The following MACROD2 variants were observed in gnomAD, a reference collection of about 807,000 sequenced individuals.
MACROD2 encodes ADP-ribose glycohydrolase MACROD2.
Under a neutral mutation model 70.4 loss-of-function variants are expected in MACROD2, and 36 were observed. That is an observed-to-expected ratio of 0.51 (90% confidence interval 0.39 to 0.68). The LOEUF is 0.68. Ranked by LOEUF, MACROD2 falls within the 30% of genes least tolerant of loss-of-function variation. MACROD2 has a pLI of 0.00. For missense variants in MACROD2, 496 were observed against 538.4 expected (o/e 0.92, Z 0.78); for synonymous variants, 172 against 178.8 (o/e 0.96, Z 0.30).
intron 5 of MACROD2, among the ~76,000 whole-genome samples, chr20:14,768,034 A>G (rs1458794995): frequency 6.6e-6 from 1 of 151,986 alleles, no homozygotes; most frequent in East Asian, 1.9e-4. Flanking sequence ...AATCCAGTCT[A>G]TCGTTGTTGG....
intron 5 of MACROD2, among the ~76,000 whole-genome samples, chr20:14,962,527 T>TTC (rs1410453703): frequency 2.2e-5 from 3 of 135,998 alleles, no homozygotes; most frequent in Middle Eastern, 3.6e-3. Flanking sequence ...CTCTCTCTCT[T>TTC]TCTCTCTCTC....
intron 8 of MACROD2, among the ~76,000 whole-genome samples, chr20:15,737,639 G>T (rs1368357173): frequency 1.3e-5 from 2 of 152,198 alleles, no homozygotes; most frequent in Non-Finnish European, 2.9e-5. Context: ...GCATTGCTAT[G>T]AATATAGTTC....
At position 15,720,724 on chromosome 20, in the gene MACROD2, A is replaced by G. The variant is rs150798263; in HGVS notation, c.646-142021A>G. ...CACTGAGAGGCTTTTCTTCCTATTT[A>G]TGATACCTCTTTGTTCACCAAAGGG... On this transcript the variant is annotated intron_variant, in intron 8 of 17. Transcript: ENST00000684519. Among the ~76,000 whole-genome samples the G allele has an allele frequency of 2.1e-3, 313 of 152,284 alleles. 4 individuals carry two copies. Among genetic ancestry groups the G allele is most frequent in the Admixed American group, 0.015 (223 of 15,288 alleles).
At chr20:15,087,817 G>C (rs1354161349) in intron 5 of MACROD2, among the ~76,000 whole-genome samples, 1 of 151,792 alleles carries the variant, frequency 6.6e-6, no homozygotes, top group Non-Finnish European at 1.5e-5. Flanking sequence ...TATAGAAAAA[G>C]TTCTCACAAA....
intron 9 of MACROD2, among the ~76,000 whole-genome samples, chr20:15,878,682 G>T (rs867421092): frequency 1.3e-5 from 2 of 152,206 alleles, no homozygotes; most frequent in Non-Finnish European, 2.9e-5. Context: ...ACTATTTGCT[G>T]TTGGGAAATG....
At chr20:14,742,741 A>G (rs2071747443) in intron 5 of MACROD2, among the ~76,000 whole-genome samples, 1 of 151,706 alleles carries the variant, frequency 6.6e-6, no homozygotes, top group Non-Finnish European at 1.5e-5. Context: ...ATAAAGTTCA[A>G]AAGTAATATA....
At chr20:15,337,701 TCAA>T (rs1327736623) in intron 6 of MACROD2, among the ~76,000 whole-genome samples, 1 of 150,818 alleles carries the variant, frequency 6.6e-6, no homozygotes, top group African/African-American at 2.5e-5. Context: ...GTACAATAGG[TCAA>T]AAAAAAAGAG....
intron 4 of MACROD2, among the ~76,000 whole-genome samples, chr20:14,553,431 T>TTGG (rs1322411311): frequency 1.8e-4 from 27 of 146,620 alleles, no homozygotes; most frequent in Non-Finnish European, 1.5e-4. Flanking sequence ...TTTTTTTTAG[T>TTGG]AAGTAGAAGA....
At chr20:15,469,691 T>A (rs2046939850) in intron 7 of MACROD2, among the ~76,000 whole-genome samples, 2 of 152,142 alleles carry the variant, frequency 1.3e-5, no homozygotes, top group African/African-American at 4.8e-5. Context: ...CCAAAGAGCA[T>A]GTCCAGAAGA....
At chr20:14,600,343 T>TATATATATATATATATATATACAC (rs1320891260) in intron 4 of MACROD2, among the ~76,000 whole-genome samples, 26 of 130,202 alleles carry the variant, frequency 2.0e-4, no homozygotes, top group African/African-American at 7.9e-4. Flanking sequence ...TATATATATA[T>TATATATATATATATATATATACAC]ACACACACAC....
intron 5 of MACROD2, among the ~76,000 whole-genome samples, chr20:14,697,477 T>C (rs977117188): frequency 1.3e-5 from 2 of 152,208 alleles, no homozygotes; most frequent in African/African-American, 4.8e-5. Flanking sequence ...AAATTCTCTG[T>C]GTTGTGCAAT....
chr20:14,621,166 A>C (rs374517762), intron 4 of MACROD2, among the ~76,000 whole-genome samples: 39 of 152,120 alleles, frequency 2.6e-4, no homozygotes, highest in African/African-American at 8.4e-4. Flanking sequence ...GTGTGGATAA[A>C]CTAATTAATG....
At chr20:15,491,936 T>C (rs1186511843) in intron 7 of MACROD2, among the ~76,000 whole-genome samples, 1 of 152,220 alleles carries the variant, frequency 6.6e-6, no homozygotes, top group Non-Finnish European at 1.5e-5. Flanking sequence ...ATAATACTCA[T>C]ATACCAAAGC....
chr20:14,623,723 G>A lies in MACROD2; in HGVS notation c.302-61120G>A, dbSNP rs371926644. Among the ~76,000 whole-genome samples, 3 of 152,232 alleles carry A rather than the reference G, an allele frequency of 2.0e-5. No individual in the cohort carries two copies. In the East Asian group the frequency reaches 5.8e-4, roughly 29 times the overall value. ...AAGCCAGTGGTAGCCATCCTCTGTT[G>A]TCCAAGGTTCACTGAAAAGATGCTG... On this transcript the variant is annotated intron_variant, in intron 4 of 17. Coordinates refer to ENST00000684519, the MANE Select transcript of MACROD2 (RefSeq NM_001351661.2).
At chr20:15,667,382 C>A (rs1022559786) in intron 8 of MACROD2, among the ~76,000 whole-genome samples, 1 of 152,174 alleles carries the variant, frequency 6.6e-6, no homozygotes, top group Non-Finnish European at 1.5e-5. Context: ...TGCAGAACCA[C>A]GAGCCAATTA....
intron 5 of MACROD2, among the ~76,000 whole-genome samples, chr20:14,807,143 C>G (rs1365099218): frequency 6.6e-6 from 1 of 152,152 alleles, no homozygotes; most frequent in Non-Finnish European, 1.5e-5. Context: ...TGCCTCCCAA[C>G]GGGGAGACAC....
At chr20:15,407,729 T>C (rs2046022926) in intron 6 of MACROD2, among the ~76,000 whole-genome samples, 1 of 152,190 alleles carries the variant, frequency 6.6e-6, no homozygotes, top group Non-Finnish European at 1.5e-5. Flanking sequence ...TGGGCTTGTT[T>C]TGAGAATTAA....
At chr20:15,349,716 A>G (rs1372242541) in intron 6 of MACROD2, among the ~76,000 whole-genome samples, 2 of 148,412 alleles carry the variant, frequency 1.3e-5, no homozygotes, top group Non-Finnish European at 3.0e-5. Context: ...AGATCGCACC[A>G]TTGCACTCCA....
chr20:14,917,957 G>A (rs1105476), intron 5 of MACROD2, among the ~76,000 whole-genome samples: 101,107 of 151,866 alleles, frequency 0.67, 34,263 homozygotes, highest in South Asian at 0.77. Flanking sequence ...GGGTAATGCG[G>A]TATACGGAAG....
Sources: allele counts gnomAD v4.1 joint callset (sites outside exome capture counted in the v4.1 genomes callset), GRCh38; gene constraint gnomAD v4.1.1; transcripts MANE v1.5; gene names NCBI Gene and HGNC (gene_info 2026-07-23, HGNC 2026-07-21).